The following MRPL3 variants were observed in gnomAD, a reference collection of about 807,000 sequenced individuals.
MRPL3 encodes the protein mitochondrial ribosomal protein L3.
Under a neutral mutation model 44.3 loss-of-function variants are expected in MRPL3, and 43 were observed. That is an observed-to-expected ratio of 0.97 (90% CI 0.76 to 1.25). The LOEUF (loss-of-function observed/expected upper bound fraction) is 1.25. MRPL3 is among the 50% of genes most tolerant of loss of function. MRPL3 has a pLI of 0.00. For missense variants in MRPL3, 406 were observed against 427.6 expected, an observed-to-expected ratio of 0.95 and a Z score of 0.45; for synonymous variants, 171 against 152.3, an observed-to-expected ratio of 1.12 and a Z score of -0.91.
intron 8 of MRPL3, among the ~76,000 whole-genome samples, 186 bp from the exon 9 acceptor site, chr3:131,468,354 T>C (rs1039158986): frequency 2.0e-5 from 3 of 152,124 alleles, no homozygotes; most frequent in East Asian, 1.9e-4. Flanking sequence ...ATAGCAAATA[T>C]ATCTTATGGA....
intron 6 of MRPL3, among the ~76,000 whole-genome samples, chr3:131,484,343 C>T (rs552490341): frequency 5.3e-5 from 8 of 152,172 alleles, no homozygotes; most frequent in African/African-American, 1.9e-4. Context: ...TCAGAAGTTC[C>T]GTGGGTGGGG....
Position 131,483,037 on chromosome 3 carries a change from G to A in MRPL3, c.629+4643C>T, listed in dbSNP as rs1379665600. Among the ~76,000 whole-genome samples, 7 of 143,966 alleles carry A rather than the reference G, an allele frequency of 4.9e-5. No homozygotes were observed. The East Asian group carries it at 8.1e-4, about 17-fold the overall frequency. The allele number at this position is 143,966 out of a possible 152,430, so 94.4% of individuals were successfully genotyped here. On this transcript the variant is annotated intron_variant, in intron 6 of 9. Coordinates refer to ENST00000264995, the MANE Select transcript of MRPL3 (RefSeq NM_007208.4). Reference sequence around the variant, plus strand: ...TAATAAGCACCACCAGAATTCAACAGAAAAAAAATGGGCTAAACATCCTAT... The same window carrying A: ...TAATAAGCACCACCAGAATTCAACAAAAAAAAAATGGGCTAAACATCCTAT...
At chr3:131,474,593 C>G (rs1003786883) in intron 6 of MRPL3, among the ~76,000 whole-genome samples, 5 of 152,058 alleles carry the variant, frequency 3.3e-5, no homozygotes, top group Admixed American at 3.3e-4. Flanking sequence ...GGTACCGTAA[C>G]TACCCTAATT....
In MRPL3 at chr3:131,486,446, T is replaced by TAAA. The variant is rs1559825448; in HGVS notation, c.629+1233_629+1234insTTT. Among the ~76,000 whole-genome samples, 601 of 120,022 alleles carry TAAA rather than the reference T, an allele frequency of 5.0e-3. 5 individuals are homozygous for TAAA. Among genetic ancestry groups the TAAA allele is most frequent in the African/African-American group, 0.019 (526 of 27,618 alleles). The allele number at this position is 120,022 out of a possible 152,430, so 78.7% of individuals were successfully genotyped here. On this transcript the variant is annotated intron_variant, in intron 6 of 9. Coordinates refer to ENST00000264995, the MANE Select transcript of MRPL3 (RefSeq NM_007208.4). ...GCAACCTACAGAATGGGAGAAAAAT[T>TAAA]TTTTTTTTTTTTTATTATACTCTAA...
chr3:131,497,921 T>C (rs889736588), intron 4 of MRPL3: 7 of 445,280 alleles, frequency 1.6e-5, no homozygotes, highest in South Asian at 2.9e-5. Context: ...TTTGTTCCCA[T>C]TGTACAGATA....
chr3:131,470,572 A>G (rs1214146758), intron 7 of MRPL3, among the ~76,000 whole-genome samples: 1 of 152,044 alleles, frequency 6.6e-6, no homozygotes, highest in Admixed American at 6.6e-5. Flanking sequence ...TTCTACAAAT[A>G]TATTCCGTTA....
chr3:131,470,642 TTC>T (rs999580373), intron 7 of MRPL3, among the ~76,000 whole-genome samples: 9 of 151,938 alleles, frequency 5.9e-5, no homozygotes, highest in African/African-American at 2.2e-4. Flanking sequence ...ACCCCTCTGT[TTC>T]TCTGTGTGCT....
rs114932564 is a variant in MRPL3, at chr3:131,472,543, G to A, written c.630-1264C>T. Among the ~76,000 whole-genome samples the A allele has an allele frequency of 5.9e-3, 898 of 152,240 alleles. 12 individuals are homozygous for A. The highest frequency in any genetic ancestry group is 0.02 in the African/African-American group (838 of 41,540). ...CTAAGATCAGGAACAAGACAAGTAT[G>A]CCCAATTTCACCACTTCCATTCAAC... On this transcript the variant is annotated intron_variant, in intron 6 of 9. Coordinates refer to ENST00000264995, the MANE Select transcript of MRPL3 (RefSeq NM_007208.4).
At chr3:131,464,751 A>G (rs1043408466) in intron 9 of MRPL3, among the ~76,000 whole-genome samples, 1 of 152,238 alleles carries the variant, frequency 6.6e-6, no homozygotes, top group Admixed American at 6.5e-5. Flanking sequence ...TGCCAATTAA[A>G]TAGGTTGGTC....
chr3:131,481,420 G>GC (rs1454569862), intron 6 of MRPL3, among the ~76,000 whole-genome samples: 1 of 152,176 alleles, frequency 6.6e-6, no homozygotes, highest in African/African-American at 2.4e-5. Flanking sequence ...TGAGCTAAGA[G>GC]CTTTCTATGC....
At chr3:131,469,238 A>G (rs1933688245) in intron 8 of MRPL3, among the ~76,000 whole-genome samples, 1 of 151,688 alleles carries the variant, frequency 6.6e-6, no homozygotes, top group South Asian at 2.1e-4. Flanking sequence ...ACACACGCAC[A>G]CACACACACA....
At chr3:131,494,116 GC>G (rs1009171764) in intron 4 of MRPL3, among the ~76,000 whole-genome samples, 3 of 152,146 alleles carry the variant, frequency 2.0e-5, no homozygotes, top group African/African-American at 4.8e-5. Flanking sequence ...TCCCCCTGGG[GC>G]TCTCCAGTGG....
intron 4 of MRPL3, among the ~76,000 whole-genome samples, chr3:131,491,760 T>TG (rs1301233213): frequency 6.6e-6 from 1 of 152,078 alleles, no homozygotes; most frequent in Non-Finnish European, 1.5e-5. Context: ...ATCTTCTGCC[T>TG]GGATTATTTC....
chr3:131,482,797 C>T (rs1934020664), intron 6 of MRPL3, among the ~76,000 whole-genome samples: 2 of 151,862 alleles, frequency 1.3e-5, no homozygotes, highest in Admixed American at 1.3e-4. Flanking sequence ...AAAATTACTT[C>T]AGGTATGCAC....
intron 3 of MRPL3, 72 bp downstream of exon 3, chr3:131,500,358 T>C (rs1255990590): frequency 1.6e-6 from 2 of 1,219,540 alleles, no homozygotes; most frequent in Non-Finnish European, 2.4e-6. Context: ...ACACAAATAG[T>C]TCTTGTTAAG....
intron 6 of MRPL3, chr3:131,487,426 T>C (rs1934153311): frequency 5.8e-6 from 2 of 345,940 alleles, no homozygotes; most frequent in African/African-American, 4.4e-5. Context: ...TGTGCACATG[T>C]ACCCTAGAAC....
intron 5 of MRPL3, 35 bp downstream of exon 5, chr3:131,489,946 T>C: frequency 7.1e-7 from 1 of 1,403,118 alleles, no homozygotes; most frequent in Non-Finnish European, 1.0e-6. Flanking sequence ...TATTTGGGTA[T>C]TTTTACCTCC....
chr3:131,474,358 T>C (rs543657588), intron 6 of MRPL3, among the ~76,000 whole-genome samples: 3 of 151,938 alleles, frequency 2.0e-5, no homozygotes, highest in Non-Finnish European at 4.4e-5. Flanking sequence ...ATCATAGAAG[T>C]AGAGAGTGCA....
chr3:131,471,329 T>C (rs1933738162), intron 6 of MRPL3, 50 bp from the exon 7 acceptor site: 2 of 1,255,416 alleles, frequency 1.6e-6, no homozygotes. Flanking sequence ...GCATAGACCA[T>C]TCCCAATTGT....
Sources: allele counts gnomAD v4.1 joint callset (sites outside exome capture counted in the v4.1 genomes callset), GRCh38; gene constraint gnomAD v4.1.1; transcripts MANE v1.5; gene names NCBI Gene and HGNC (gene_info 2026-07-23, HGNC 2026-07-21).